CSTA: variants seen among roughly 807,000 people sequenced by gnomAD.
The protein encoded by CSTA is cystatin-A.
CSTA carries 9 observed loss-of-function variants against 9.2 expected under a neutral mutation model. That is an observed-to-expected ratio of 0.97 (90% confidence interval 0.59 to 1.70). CSTA has a LOEUF of 1.70. CSTA is among the 40% of genes most tolerant of loss of function. CSTA has a pLI of 0.00. For missense variants in CSTA, 118 were observed against 113.1 expected (o/e 1.04, Z -0.20); for synonymous variants, 36 against 40.6 (o/e 0.89, Z 0.43).
chr3:122,332,567 C>T (rs73855749), intron 1 of CSTA, among the ~76,000 whole-genome samples: 363 of 152,266 alleles, frequency 2.4e-3, no homozygotes, highest in African/African-American at 8.2e-3. Context: ...TTGGGTGCCT[C>T]ATGGCTCAAA....
Position 122,335,375 on chromosome 3 carries a change from C to A in CSTA, c.67-2172C>A, listed in dbSNP as rs141934329. Among the ~76,000 whole-genome samples, 10 of 152,254 alleles carry A rather than the reference C, an allele frequency of 6.6e-5. No homozygotes were observed. The East Asian group carries it at 1.9e-3, about 29-fold the overall frequency. Reference sequence around the variant, plus strand: ...CCTGGATTATCCAGGTAAGCCCATGCAATCACAGGGTCTTTATAAGAATTA... The same window carrying A: ...CCTGGATTATCCAGGTAAGCCCATGAAATCACAGGGTCTTTATAAGAATTA... On this transcript the variant is annotated intron_variant, in intron 1 of 2. Coordinates refer to ENST00000264474, the MANE Select transcript of CSTA (RefSeq NM_005213.4).
At position 122,325,296 on chromosome 3, in the gene CSTA, A is replaced by G. The variant is rs1314563298; in HGVS notation, c.4A>G (p.Ile2Val). The G allele has an allele frequency of 6.2e-7, 1 of 1,613,892 alleles. No individual in the cohort carries two copies. The highest frequency in any genetic ancestry group is 1.3e-5 in the African/African-American group (1 of 74,882). Residue 2 changes from isoleucine to valine, a missense_variant, in exon 1 of 3, where the codon ATA becomes GTA. Physicochemically the swap from Ile to Val is conservative, Grantham distance 29. Transcript: ENST00000264474. ...AGCAAAGAAGCAATCAGCCAAAATG[A>G]TACCTGGAGGCTTATCTGAGGCCAA... M[I>V]PGGLSEAKPA...
chr3:122,337,877 A>G, intron 2 of CSTA: 2 of 518,976 alleles, frequency 3.9e-6, no homozygotes, highest in South Asian at 4.1e-5. Context: ...ATTTCTGGAA[A>G]TTGTATAGAA....
intron 1 of CSTA, among the ~76,000 whole-genome samples, chr3:122,328,112 G>A (rs1042335835): frequency 2.0e-5 from 3 of 152,136 alleles, no homozygotes; most frequent in Non-Finnish European, 4.4e-5. Context: ...ACCTCCATTC[G>A]AGCTCTGATT....
intron 1 of CSTA, among the ~76,000 whole-genome samples, chr3:122,326,777 C>T (rs919555795): frequency 3.3e-5 from 5 of 152,228 alleles, no homozygotes; most frequent in Admixed American, 1.3e-4. Context: ...ATCACCTGCA[C>T]GTCTTGATAA....
intron 1 of CSTA, among the ~76,000 whole-genome samples, chr3:122,331,842 C>A (rs2075206552): frequency 6.6e-6 from 1 of 152,202 alleles, no homozygotes; most frequent in Non-Finnish European, 1.5e-5. Context: ...CTTAGGCCAG[C>A]TGTCCCCAAC....
chr3:122,332,811 G>A (rs892525975), intron 1 of CSTA, among the ~76,000 whole-genome samples: 9 of 152,226 alleles, frequency 5.9e-5, no homozygotes, highest in African/African-American at 1.2e-4. Context: ...AGATGTGTCC[G>A]TTCACCGCCA....
chr3:122,336,038 A>T (rs1448568604), intron 1 of CSTA, among the ~76,000 whole-genome samples: 2 of 152,108 alleles, frequency 1.3e-5, no homozygotes, highest in African/African-American at 4.8e-5. Context: ...TGACACACAG[A>T]TAAATGTGTG....
intron 1 of CSTA, among the ~76,000 whole-genome samples, chr3:122,333,580 A>AAAGAAAG (rs1553772197): frequency 1.4e-5 from 2 of 144,062 alleles, no homozygotes; most frequent in African/African-American, 2.7e-5. Context: ...AGAAAGAAAG[A>AAAGAAAG]AAGAAAGAAA....
intron 1 of CSTA, among the ~76,000 whole-genome samples, chr3:122,328,499 C>A (rs1286386670): frequency 2.6e-3 from 224 of 85,904 alleles, no homozygotes; most frequent in Admixed American, 3.3e-3. Context: ...GATTCCATCT[C>A]AAAAAAAAAA....
rs547622892 is a variant in CSTA, at chr3:122,328,744, T to C, written c.66+3386T>C. Among the ~76,000 whole-genome samples the C allele has an allele frequency of 3.3e-5, 5 of 151,802 alleles. No homozygotes were observed. In the South Asian group the frequency reaches 1.0e-3, roughly 32 times the overall value. On this transcript the variant is annotated intron_variant, in intron 1 of 2. Coordinates refer to ENST00000264474, the MANE Select transcript of CSTA (RefSeq NM_005213.4). ...TGAGGTCAAGAGTTCAAGACCAGCC[T>C]GGCCAACATAGCTTTCTACTTTCTA...
intron 2 of CSTA, among the ~76,000 whole-genome samples, chr3:122,339,714 G>A (rs2075254926): frequency 6.6e-6 from 1 of 152,128 alleles, no homozygotes; most frequent in African/African-American, 2.4e-5. Context: ...AATTACCTAG[G>A]CATGGTGATG....
In CSTA at chr3:122,332,319, C is replaced by T. The variant is rs560699021; in HGVS notation, c.67-5228C>T. Among the ~76,000 whole-genome samples the T allele has an allele frequency of 5.3e-5, 8 of 152,222 alleles. No homozygotes were observed. In the East Asian group the frequency reaches 1.5e-3, roughly 29 times the overall value. On this transcript the variant is annotated intron_variant, in intron 1 of 2. Transcript: ENST00000264474. ...TTTCTTGCATCCTCAATGCCTTGTCCCATACTTCCTTCTTCCTTCAAAACA... is the reference window on the plus strand; with the variant it reads ...TTTCTTGCATCCTCAATGCCTTGTCTCATACTTCCTTCTTCCTTCAAAACA...
intron 1 of CSTA, among the ~76,000 whole-genome samples, chr3:122,334,411 A>T (rs1225354886): frequency 6.6e-6 from 1 of 152,088 alleles, no homozygotes; most frequent in East Asian, 1.9e-4. Flanking sequence ...CGGGAATTCG[A>T]GGCTGCAGTG....
At chr3:122,335,156 T>A (rs138353846) in intron 1 of CSTA, among the ~76,000 whole-genome samples, 3 of 152,350 alleles carry the variant, frequency 2.0e-5, no homozygotes, top group African/African-American at 7.2e-5. Flanking sequence ...AATTTGGGAC[T>A]GTCTCCCTTC....
intron 1 of CSTA, among the ~76,000 whole-genome samples, chr3:122,331,124 C>G (rs1175734642): frequency 6.6e-6 from 1 of 151,796 alleles, no homozygotes; most frequent in Non-Finnish European, 1.5e-5. Context: ...CACACACACA[C>G]ACACACACAC....
chr3:122,329,699 T>C lies in CSTA; in HGVS notation c.66+4341T>C, dbSNP rs149675464. ...TAGAAGCTACATGAGGTCTATAAGA[T>C]ATGGCCCCTGGCCTCTAGGAGTTTA... is the stretch of plus-strand genomic sequence containing the variant. On this transcript the variant is annotated intron_variant, in intron 1 of 2. Transcript: ENST00000264474. 2.0e-5 allele frequency among the ~76,000 whole-genome samples: 3 copies of C among 152,364 alleles called. No homozygotes were observed. The East Asian group carries it at 5.8e-4, about 29-fold the overall frequency.
intron 1 of CSTA, among the ~76,000 whole-genome samples, chr3:122,335,554 G>A (rs949914276): frequency 7.9e-5 from 12 of 152,154 alleles, no homozygotes; most frequent in Non-Finnish European, 1.5e-4. Flanking sequence ...GTTTGAGAAA[G>A]GAGTTATAAT....
At chr3:122,338,710 C>A (rs915063669) in intron 2 of CSTA, among the ~76,000 whole-genome samples, 2 of 152,112 alleles carry the variant, frequency 1.3e-5, no homozygotes, top group African/African-American at 4.8e-5. Flanking sequence ...AATCTGCTTT[C>A]TTCATGGCTG....
Sources: allele counts gnomAD v4.1 joint callset (sites outside exome capture counted in the v4.1 genomes callset), GRCh38; gene constraint gnomAD v4.1.1; transcripts MANE v1.5; gene names NCBI Gene and HGNC (gene_info 2026-07-23, HGNC 2026-07-21).